KCND2: variants seen among roughly 807,000 people sequenced by gnomAD.
KCND2 encodes A-type voltage-gated potassium channel KCND2.
A neutral mutation model predicts 54.4 loss-of-function variants in KCND2; 16 were observed. The ratio of observed to expected loss-of-function variants is 0.29; its 90% confidence interval spans 0.20 to 0.45. The LOEUF is 0.45. Among genes scored for constraint, KCND2 ranks in the 20% least tolerant of loss-of-function variants. The pLI is 1.00. For synonymous variants in KCND2, 317 were observed against 310.7 expected, an observed-to-expected ratio of 1.02 and a Z score of -0.21; for missense variants, 486 against 824.2, an observed-to-expected ratio of 0.59 and a Z score of 5.02.
At chr7:120,581,115 G>C (rs1792510159) in intron 1 of KCND2, among the ~76,000 whole-genome samples, 1 of 152,170 alleles carries the variant, frequency 6.6e-6, no homozygotes, top group South Asian at 2.1e-4. Flanking sequence ...CTAATATAAA[G>C]TCTTATTAGA....
chr7:120,406,749 A>T (rs1373340660), intron 1 of KCND2, among the ~76,000 whole-genome samples: 1 of 151,998 alleles, frequency 6.6e-6, no homozygotes, highest in East Asian at 1.9e-4. Context: ...AGGATTAAGA[A>T]GTGTGAGAAA....
chr7:120,325,373 T>C (rs1156483596), intron 1 of KCND2, among the ~76,000 whole-genome samples: 2 of 141,644 alleles, frequency 1.4e-5, no homozygotes, highest in African/African-American at 5.2e-5. Context: ...ATCCCTGTCT[T>C]GTGCCAGTTT....
At chr7:120,649,903 G>C (rs529553432) in intron 1 of KCND2, among the ~76,000 whole-genome samples, 1 of 152,250 alleles carries the variant, frequency 6.6e-6, no homozygotes, top group African/African-American at 2.4e-5. Context: ...GTGAAATTCT[G>C]GGTTGAAAAT....
chr7:120,524,515 A>G (rs1458153614), intron 1 of KCND2, among the ~76,000 whole-genome samples: 1 of 152,174 alleles, frequency 6.6e-6, no homozygotes, highest in East Asian at 1.9e-4. Flanking sequence ...TTAAAATGTA[A>G]TTTCATTTTC....
intron 1 of KCND2, among the ~76,000 whole-genome samples, chr7:120,612,770 T>C (rs1400084838): frequency 2.0e-5 from 3 of 152,200 alleles, no homozygotes; most frequent in Non-Finnish European, 4.4e-5. Context: ...AATGTTTTAT[T>C]GTACTAAGAA....
intron 1 of KCND2, among the ~76,000 whole-genome samples, chr7:120,665,172 G>A (rs533187319): frequency 6.6e-6 from 1 of 151,976 alleles, no homozygotes; most frequent in Admixed American, 6.6e-5. Context: ...GATATTTAAG[G>A]GACATTGAAG....
intron 1 of KCND2, among the ~76,000 whole-genome samples, chr7:120,693,063 GA>G (rs367545357): frequency 4.2e-3 from 644 of 152,276 alleles, no homozygotes; most frequent in Middle Eastern, 0.031. Flanking sequence ...ACAAGAAGTA[GA>G]ATTATTTAGG....
chr7:120,582,688 A>G (rs1397786909), intron 1 of KCND2, among the ~76,000 whole-genome samples: 1 of 152,178 alleles, frequency 6.6e-6, no homozygotes, highest in Non-Finnish European at 1.5e-5. Context: ...ACAATTATAA[A>G]AAAATATATT....
chr7:120,683,033 C>G (rs1335314466), intron 1 of KCND2, among the ~76,000 whole-genome samples: 1 of 152,124 alleles, frequency 6.6e-6, no homozygotes, highest in Non-Finnish European at 1.5e-5. Context: ...GCTAAAACAT[C>G]TTTACTTGTC....
intron 1 of KCND2, among the ~76,000 whole-genome samples, chr7:120,659,718 G>A (rs1791843274): frequency 6.6e-6 from 1 of 152,098 alleles, no homozygotes; most frequent in African/African-American, 2.4e-5. Flanking sequence ...TGGGACATTG[G>A]TTCCAGGAAC....
intron 1 of KCND2, among the ~76,000 whole-genome samples, chr7:120,585,822 C>T (rs1792592777): frequency 6.6e-6 from 1 of 152,142 alleles, no homozygotes; most frequent in African/African-American, 2.4e-5. Context: ...GAATCTTAAT[C>T]CTGTAAATGA....
intron 1 of KCND2, among the ~76,000 whole-genome samples, chr7:120,529,913 C>G (rs1358749375): frequency 1.3e-5 from 2 of 151,988 alleles, no homozygotes; most frequent in African/African-American, 2.4e-5. Flanking sequence ...GAAACTCTGT[C>G]TCTAAAAAAA....
intron 1 of KCND2, among the ~76,000 whole-genome samples, chr7:120,701,563 C>T (rs1174130670): frequency 3.3e-5 from 5 of 152,078 alleles, no homozygotes; most frequent in African/African-American, 9.7e-5. Flanking sequence ...TACTACAAGG[C>T]TACAGTAACC....
At chr7:120,675,986 C>T (rs562722883) in intron 1 of KCND2, among the ~76,000 whole-genome samples, 8 of 151,652 alleles carry the variant, frequency 5.3e-5, no homozygotes, top group South Asian at 2.1e-4. Context: ...GCCTCCCTCA[C>T]GCCACTACAC....
intron 1 of KCND2, among the ~76,000 whole-genome samples, chr7:120,602,791 A>G (rs1002649373): frequency 2.0e-5 from 3 of 152,164 alleles, no homozygotes; most frequent in African/African-American, 7.2e-5. Flanking sequence ...GTTTCTGTGG[A>G]TACATTTTAA....
At chr7:120,405,550 C>G (rs145968229) in intron 1 of KCND2, among the ~76,000 whole-genome samples, 231 of 152,214 alleles carry the variant, frequency 1.5e-3, no homozygotes, top group African/African-American at 5.5e-3. Context: ...AGAGATAACA[C>G]ATTTCCATGT....
intron 1 of KCND2, among the ~76,000 whole-genome samples, chr7:120,309,882 T>G (rs189053344): frequency 7.2e-5 from 11 of 152,338 alleles, no homozygotes; most frequent in African/African-American, 2.4e-4. Context: ...ACAGGGAATT[T>G]CTTTTCATGG....
At chr7:120,347,514 T>C (rs1800338471) in intron 1 of KCND2, among the ~76,000 whole-genome samples, 1 of 152,052 alleles carries the variant, frequency 6.6e-6, no homozygotes, top group African/African-American at 2.4e-5. Flanking sequence ...CCCCAGCACT[T>C]TGGGAGGCTG....
At chr7:120,544,113 C>T (rs1012127176) in intron 1 of KCND2, among the ~76,000 whole-genome samples, 1 of 151,870 alleles carries the variant, frequency 6.6e-6, no homozygotes, top group Non-Finnish European at 1.5e-5. Context: ...AATGTTTATT[C>T]CTCTCTGAAC....
Sources: gnomAD v4.1 joint callset for allele counts (sites outside exome capture counted in the v4.1 genomes callset) on GRCh38, gnomAD v4.1.1 for gene constraint, MANE v1.5 for transcripts, NCBI Gene and HGNC (gene_info 2026-07-23, HGNC 2026-07-21) for gene names.